The following OIP5 variants were observed in gnomAD, a reference collection of about 807,000 sequenced individuals.
The protein encoded by OIP5 is protein Mis18-beta.
A neutral mutation model predicts 20.3 loss-of-function variants in OIP5; 24 were observed. The observed-to-expected ratio is 1.18, with a 90% CI of 0.86 to 1.66. OIP5 has a LOEUF of 1.66. OIP5 is among the 40% of genes most tolerant of loss of function. OIP5 has a pLI of 0.00. For synonymous variants in OIP5, 143 were observed against 121.3 expected (o/e 1.18, Z -1.17); for missense variants, 339 against 289.5 (o/e 1.17, Z -1.24).
chr15:41,325,454 G>A (rs1006876958), intron 2 of OIP5, among the ~76,000 whole-genome samples: 1 of 151,590 alleles, frequency 6.6e-6, no homozygotes, highest in Non-Finnish European at 1.5e-5. Flanking sequence ...ACCAACATGT[G>A]ACACAGAGAC....
intron 3 of OIP5, among the ~76,000 whole-genome samples, chr15:41,316,285 C>G (rs1237830104): frequency 6.6e-6 from 1 of 152,158 alleles, no homozygotes; most frequent in East Asian, 1.9e-4. Flanking sequence ...CACTTCCAGC[C>G]TGGGTGACAG....
At position 41,326,092 on chromosome 15, in the gene OIP5, G is replaced by A. The variant is rs117218429; in HGVS notation, c.389+5823C>T. Among the ~76,000 whole-genome samples the A allele has an allele frequency of 4.1e-4, 62 of 152,318 alleles. No individual in the cohort carries two copies. The East Asian group carries it at 0.01, about 26-fold the overall frequency. ...CAGAAGAATTGCTTGAAGCCAGGGG[G>A]CAGAGGTTTCAGTGAGCCGAGATAA... is the stretch of plus-strand genomic sequence containing the variant. On this transcript the variant is annotated intron_variant, in intron 2 of 4. Coordinates refer to ENST00000220514, the MANE Select transcript of OIP5 (RefSeq NM_007280.2).
chr15:41,331,214 C>G (rs74012263), intron 2 of OIP5, among the ~76,000 whole-genome samples: 2,331 of 152,262 alleles, frequency 0.015, 73 homozygotes, highest in African/African-American at 0.054. Context: ...AATTCACTGA[C>G]TACTTTATTG....
rs1339054728 is a variant in OIP5, at chr15:41,331,990, A to T, written c.323-9T>A. ...GACGTTATTTGTAACTCCTAGGAAG[A>T]CAAACACGGGTCAGAACCCATACTC... On this transcript the variant is annotated splice_polypyrimidine_tract_variant and intron_variant, in intron 1 of 4. Transcript: ENST00000220514. 1 of 1,613,810 alleles carries T rather than the reference A, an allele frequency of 6.2e-7. No homozygotes were observed. The highest frequency in any genetic ancestry group is 1.1e-5 in the South Asian group (1 of 91,078).
At chr15:41,312,574 C>G (rs1431030353) in intron 4 of OIP5, among the ~76,000 whole-genome samples, 3 of 151,730 alleles carry the variant, frequency 2.0e-5, no homozygotes, top group African/African-American at 7.3e-5. Context: ...ATTCTCCTGC[C>G]TCAGTCTCCT....
rs1207918570 is a variant in OIP5 at position 41,332,516 on chromosome 15, G to A, written c.46C>T (p.Pro16Ser). The change falls in exon 1 of 5, where the codon CCC becomes TCC. Residue 16 changes from proline to serine, a missense_variant. Pro to Ser is a moderately conservative substitution (Grantham distance 74, BLOSUM62 -1). Coordinates refer to ENST00000220514, the MANE Select transcript of OIP5 (RefSeq NM_007280.2). ...GTGCCACCACAAAAGTCCCCCCGGG[G>A]CGGCGTTGCACAACGTGAGCGATGC... The part of the protein sequence containing the change: ...LRHRSRCATP[P>S]RGDFCGGTER... The A allele has an allele frequency of 6.2e-7, 1 of 1,613,584 alleles. No individual in the cohort carries two copies. The highest frequency in any genetic ancestry group is 1.7e-5 in the Admixed American group (1 of 59,876).
chr15:41,317,795 T>G (rs1281829265), intron 3 of OIP5, among the ~76,000 whole-genome samples: 1 of 151,962 alleles, frequency 6.6e-6, no homozygotes, highest in East Asian at 1.9e-4. Flanking sequence ...CCTCCCACCT[T>G]AGCCTCCAGA....
At chr15:41,332,173 G>C in intron 1 of OIP5, 67 bp downstream of exon 1, 2 of 1,489,610 alleles carry the variant, frequency 1.3e-6, no homozygotes, top group South Asian at 2.6e-5. Flanking sequence ...TCCGCCACCC[G>C]GTGGAGAAAG....
At chr15:41,315,806 G>A (rs886549703) in intron 3 of OIP5, among the ~76,000 whole-genome samples, 1 of 151,912 alleles carries the variant, frequency 6.6e-6, no homozygotes, top group African/African-American at 2.4e-5. Flanking sequence ...CACATTTACA[G>A]TTTTTTTTCC....
intron 2 of OIP5, among the ~76,000 whole-genome samples, chr15:41,328,866 T>C (rs1057467510): frequency 6.6e-6 from 1 of 151,826 alleles, no homozygotes; most frequent in Admixed American, 6.6e-5. Context: ...GAGACCAGCA[T>C]GGCCAACATG....
rs368459286 is a variant in OIP5, at chr15:41,332,527, C to A, written c.35G>T (p.Cys12Phe). ...AAAGTCCCCCCGGGGCGGCGTTGCACAACGTGAGCGATGCCGCAGCGGCTG... is the reference window on the plus strand; with the variant it reads ...AAAGTCCCCCCGGGGCGGCGTTGCAAAACGTGAGCGATGCCGCAGCGGCTG... ...AAQPLRHRSR[C>F]ATPPRGDFCG... Residue 12 changes from cysteine (C) to phenylalanine (F), a missense_variant, in exon 1 of 5, where the codon TGT becomes TTT. Coordinates refer to ENST00000220514, the MANE Select transcript of OIP5 (RefSeq NM_007280.2). 2.5e-6 allele frequency: 4 copies of A among 1,611,398 alleles called. No homozygotes were observed. The highest frequency in any genetic ancestry group is 2.2e-5 in the South Asian group (2 of 90,896).
chr15:41,316,654 G>A (rs574162935), intron 3 of OIP5, among the ~76,000 whole-genome samples: 2 of 151,826 alleles, frequency 1.3e-5, no homozygotes, highest in Non-Finnish European at 2.9e-5. Flanking sequence ...GCCAAGCGTG[G>A]TGGTGGGCGC....
chr15:41,314,423 G>A (rs998357545), intron 3 of OIP5, among the ~76,000 whole-genome samples: 8 of 151,826 alleles, frequency 5.3e-5, no homozygotes, highest in African/African-American at 1.9e-4. Context: ...ATTGCCAACA[G>A]AATCCAGATT....
chr15:41,323,561 C>T (rs1391928759), intron 2 of OIP5, among the ~76,000 whole-genome samples: 3 of 152,050 alleles, frequency 2.0e-5, no homozygotes, highest in Non-Finnish European at 4.4e-5. Context: ...GCCTTGACAT[C>T]CCAGACTCAA....
intron 3 of OIP5, among the ~76,000 whole-genome samples, chr15:41,318,067 TAGAG>T (rs1595500283): frequency 6.6e-6 from 1 of 152,166 alleles, no homozygotes; most frequent in Non-Finnish European, 1.5e-5. Flanking sequence ...CCCCACCTAT[TAGAG>T]GGAGAGAGAG....
At chr15:41,325,542 T>TA (rs537907792) in intron 2 of OIP5, among the ~76,000 whole-genome samples, 3,093 of 140,156 alleles carry the variant, frequency 0.022, 37 homozygotes, top group South Asian at 0.035. Flanking sequence ...TTCAATTTGT[T>TA]AAAAAAAAAA....
chr15:41,319,700 G>A lies in OIP5; in HGVS notation c.470C>T (p.Ala157Val), dbSNP rs1158514145. 2 of 1,613,794 alleles carry A rather than the reference G, an allele frequency of 1.2e-6. No individual in the cohort carries two copies. Among genetic ancestry groups the A allele is most frequent in the Non-Finnish European group, 1.7e-6 (2 of 1,179,804 alleles). ...HLYSTHAALA[A>V]LRGHFCLSSD... The stretch of plus-strand genomic sequence containing the variant: ...GGAAAGGCAGAAGTGACCTCTCAAG[G>A]CAGCCAGGGCAGCATGGGTAGAATA... The change falls in exon 3 of 5, where the codon GCC becomes GTC. Residue 157 changes from alanine (A) to valine (V), a missense_variant. Coordinates refer to ENST00000220514, the MANE Select transcript of OIP5 (RefSeq NM_007280.2).
chr15:41,313,320 A>G lies in OIP5; in HGVS notation c.547T>C (p.Ser183Pro). The change falls in exon 4 of 5, where the codon TCA becomes CCA. Residue 183 changes from serine to proline, a missense_variant. Ser to Pro is a moderately conservative substitution (Grantham distance 74). Coordinates refer to ENST00000220514, the MANE Select transcript of OIP5 (RefSeq NM_007280.2). ...LLKTKAIVNA[S>P]EMDIQNVPLS... ...GGAACATTTTGAATATCCATCTCTG[A>G]TGCATTTACTATGGCTTTTGTTTTT... 1 of 1,604,818 alleles carries G rather than the reference A, an allele frequency of 6.2e-7. No individual in the cohort carries two copies. Among genetic ancestry groups the G allele is most frequent in the Admixed American group, 1.7e-5 (1 of 59,768 alleles).
At chr15:41,315,091 C>T (rs1462116211) in intron 3 of OIP5, among the ~76,000 whole-genome samples, 3 of 146,070 alleles carry the variant, frequency 2.1e-5, no homozygotes, top group Non-Finnish European at 3.0e-5. Flanking sequence ...GACAGTGAGA[C>T]CCTGTCTCAA....
Sources: gnomAD v4.1 joint callset for allele counts (sites outside exome capture counted in the v4.1 genomes callset) on GRCh38, gnomAD v4.1.1 for gene constraint, MANE v1.5 for transcripts, NCBI Gene and HGNC (gene_info 2026-07-23, HGNC 2026-07-21) for gene names.